Variants in GUCY1A2 observed in about 807,000 individuals in gnomAD.
GUCY1A2 encodes the protein guanylate cyclase 1 soluble subunit alpha 2.
Under a neutral mutation model 63.5 loss-of-function variants are expected in GUCY1A2, and 27 were observed. That is an observed-to-expected ratio of 0.43 (90% confidence interval 0.31 to 0.59). The LOEUF is 0.59. Among genes scored for constraint, GUCY1A2 ranks in the 20% least tolerant of loss-of-function variants. The pLI is 0.11. For synonymous variants in GUCY1A2, 364 were observed against 343.5 expected (o/e 1.06, Z -0.66); for missense variants, 768 against 913.3 (o/e 0.84, Z 2.05).
At chr11:106,781,709 G>A (rs906739381) in intron 5 of GUCY1A2, among the ~76,000 whole-genome samples, 10 of 149,674 alleles carry the variant, frequency 6.7e-5, no homozygotes, top group East Asian at 2.0e-4. Context: ...GACTACAGGC[G>A]CATGTCACCA....
intron 3 of GUCY1A2, among the ~76,000 whole-genome samples, chr11:106,955,012 CT>C (rs1230822390): frequency 6.6e-6 from 1 of 150,422 alleles, no homozygotes; most frequent in Non-Finnish European, 1.5e-5. Context: ...GAGTTTTGCT[CT>C]TGTTGCCCAG....
intron 3 of GUCY1A2, among the ~76,000 whole-genome samples, chr11:106,973,241 T>C (rs1473100135): frequency 2.0e-5 from 3 of 152,126 alleles, no homozygotes; most frequent in African/African-American, 7.2e-5. Context: ...GGTTTTGTGC[T>C]GGCCTAATGA....
chr11:106,804,198 A>G (rs879939789), intron 5 of GUCY1A2, among the ~76,000 whole-genome samples: 1 of 152,208 alleles, frequency 6.6e-6, no homozygotes, highest in Non-Finnish European at 1.5e-5. Context: ...AGAAATTCTT[A>G]TTTCCTAATT....
rs370038508 is a variant in GUCY1A2, at chr11:107,018,050, A to G, written c.6T>C (p.Ser2=). The stretch of plus-strand genomic sequence containing the variant: ...AGGACTCGGACGAAATCTTCCTTCG[A>G]GACATGCTGCCGGCGGAGCTGCAGC... M[S]RRKISSESFS... is the part of the protein sequence containing the mutation. The change falls in exon 1 of 8, where the codon TCT becomes TCC. Residue 2 remains serine (S), a synonymous_variant. Coordinates refer to ENST00000526355, the MANE Select transcript of GUCY1A2 (RefSeq NM_000855.3). 2 of 1,458,896 alleles carry G rather than the reference A, an allele frequency of 1.4e-6. No individual in the cohort carries two copies. Among genetic ancestry groups the G allele is most frequent in the Non-Finnish European group, 1.8e-6 (2 of 1,093,342 alleles). 90.4% of individuals were successfully genotyped at this position (1,458,896 alleles called of 1,614,324 possible). A position where few individuals can be genotyped will look rare whatever the true frequency, so the allele number is the denominator to read the frequency against.
intron 4 of GUCY1A2, among the ~76,000 whole-genome samples, chr11:106,815,596 G>A (rs7926569): frequency 0.33 from 49,412 of 151,672 alleles, 8,859 homozygotes; most frequent in Admixed American, 0.45. Flanking sequence ...GCACCAGGAA[G>A]GAAGAAAAGG....
chr11:106,715,972 C>G (rs1863206164), intron 6 of GUCY1A2, among the ~76,000 whole-genome samples: 1 of 152,194 alleles, frequency 6.6e-6, no homozygotes, highest in Admixed American at 6.5e-5. Flanking sequence ...TCTGGAGAAT[C>G]AGTAGTCTTT....
intron 4 of GUCY1A2, among the ~76,000 whole-genome samples, chr11:106,820,194 C>G (rs1423155023): frequency 6.6e-6 from 1 of 152,022 alleles, no homozygotes; most frequent in Non-Finnish European, 1.5e-5. Context: ...CCAACTTTCC[C>G]CCATAGGGCT....
chr11:106,976,942 A>ATTAT (rs5794512), intron 3 of GUCY1A2, among the ~76,000 whole-genome samples: 1 of 151,924 alleles, frequency 6.6e-6, no homozygotes, highest in Admixed American at 6.6e-5. Flanking sequence ...ACCATTTCAA[A>ATTAT]TTGACCCAGG....
chr11:106,773,635 G>C (rs1381332099), intron 6 of GUCY1A2, among the ~76,000 whole-genome samples: 4 of 152,124 alleles, frequency 2.6e-5, no homozygotes, highest in African/African-American at 9.7e-5. Flanking sequence ...CTAGCTATGG[G>C]TGAGATTTCC....
intron 4 of GUCY1A2, among the ~76,000 whole-genome samples, chr11:106,925,290 C>A (rs1860507136): frequency 6.6e-6 from 1 of 152,094 alleles, no homozygotes; most frequent in African/African-American, 2.4e-5. Flanking sequence ...TAAACTGTAT[C>A]AATTATTCAG....
intron 1 of GUCY1A2, among the ~76,000 whole-genome samples, chr11:107,002,365 C>CAG (rs1462036705): frequency 6.7e-6 from 1 of 150,230 alleles, no homozygotes; most frequent in Non-Finnish European, 1.5e-5. Flanking sequence ...AAAGTCATAT[C>CAG]AGACATGGAG....
chr11:106,782,092 T>G (rs1337260869), intron 5 of GUCY1A2, among the ~76,000 whole-genome samples: 2 of 152,146 alleles, frequency 1.3e-5, no homozygotes, highest in Non-Finnish European at 2.9e-5. Flanking sequence ...TGTACACAAT[T>G]AGGCAATTAA....
At chr11:106,989,950 T>C (rs746060318) in intron 1 of GUCY1A2, among the ~76,000 whole-genome samples, 1 of 152,226 alleles carries the variant, frequency 6.6e-6, no homozygotes, top group Non-Finnish European at 1.5e-5. Flanking sequence ...CTTCCTTGTA[T>C]ACAAAGAATG....
At chr11:106,724,359 G>A (rs1189812451) in intron 6 of GUCY1A2, among the ~76,000 whole-genome samples, 1 of 152,190 alleles carries the variant, frequency 6.6e-6, no homozygotes, top group Non-Finnish European at 1.5e-5. Context: ...AACTTTTGTT[G>A]ACCTGGGTTC....
chr11:107,004,644 T>C (rs1053856334), intron 1 of GUCY1A2, among the ~76,000 whole-genome samples: 4 of 152,106 alleles, frequency 2.6e-5, no homozygotes, highest in African/African-American at 9.7e-5. Context: ...AGGTAATAAA[T>C]AGGTAAACTA....
At chr11:106,875,114 TA>T (rs1275716355) in intron 4 of GUCY1A2, among the ~76,000 whole-genome samples, 4 of 152,160 alleles carry the variant, frequency 2.6e-5, no homozygotes, top group African/African-American at 9.7e-5. Flanking sequence ...TTATGGCAAT[TA>T]AATATTTTTC....
At position 106,710,220 on chromosome 11, in the gene GUCY1A2, TA is replaced by T. The variant is rs1863086588; in HGVS notation, c.1837-1555del. Among the ~76,000 whole-genome samples the T allele has an allele frequency of 3.5e-3, 176 of 50,248 alleles. 4 individuals are homozygous for T. Among genetic ancestry groups the T allele is most frequent in the Non-Finnish European group, 4.8e-3 (146 of 30,528 alleles). The allele number at this position is 50,248 out of a possible 152,430, so 33.0% of individuals were successfully genotyped here. A position where few individuals can be genotyped will look rare whatever the true frequency, so the allele number is the denominator to read the frequency against. ...TAGTTATATATTATATACATGTATATAATATAGTTATATATATAATATATAG... is the reference window on the plus strand; with the variant it reads ...TAGTTATATATTATATACATGTATATATATAGTTATATATATAATATATAG... On this transcript the variant is annotated intron_variant, in intron 6 of 7. Transcript: ENST00000526355.
At chr11:106,841,261 T>C (rs780546918) in intron 4 of GUCY1A2, among the ~76,000 whole-genome samples, 1 of 151,916 alleles carries the variant, frequency 6.6e-6, no homozygotes, top group Non-Finnish European at 1.5e-5. Context: ...TTCCTACTTA[T>C]ACTTCTTAAA....
At chr11:106,822,263 ATT>A (rs1312224135) in intron 4 of GUCY1A2, among the ~76,000 whole-genome samples, 1 of 152,054 alleles carries the variant, frequency 6.6e-6, no homozygotes, top group African/African-American at 2.4e-5. Flanking sequence ...CATACGAACA[ATT>A]TTTTTCTTTG....
Sources: gnomAD v4.1 joint callset for allele counts (sites outside exome capture counted in the v4.1 genomes callset) on GRCh38, gnomAD v4.1.1 for gene constraint, MANE v1.5 for transcripts, NCBI Gene and HGNC (gene_info 2026-07-23, HGNC 2026-07-21) for gene names.